Variants in GABRB2 observed in about 807,000 individuals in gnomAD.
GABRB2 encodes the protein gamma-aminobutyric acid type A receptor subunit beta2, also known as gamma-aminobutyric acid receptor subunit beta-2.
In GABRB2, 16 loss-of-function variants were observed where a neutral mutation model predicts 54.7. The observed-to-expected ratio is 0.29, with a 90% CI of 0.20 to 0.44. The LOEUF is 0.44. Ranked by LOEUF, GABRB2 falls within the 20% of genes least tolerant of loss-of-function variation. The pLI is 1.00. For missense variants in GABRB2, 355 were observed against 644.0 expected (o/e 0.55, Z 4.86); for synonymous variants, 244 against 233.8 (o/e 1.04, Z -0.40).
chr5:161,411,282 T>C (rs1304914989), intron 4 of GABRB2, among the ~76,000 whole-genome samples: 5 of 152,218 alleles, frequency 3.3e-5, no homozygotes, highest in Non-Finnish European at 7.3e-5. Flanking sequence ...TATCTACTTG[T>C]ATCAAAATAA....
chr5:161,411,153 C>A, intron 4 of GABRB2, 96 bp from the exon 5 acceptor site: 1 of 872,958 alleles, frequency 1.1e-6, no homozygotes. Context: ...TGTGATTTAC[C>A]CTAAGTACTA....
intron 4 of GABRB2, among the ~76,000 whole-genome samples, chr5:161,430,734 T>C (rs978077630): frequency 2.0e-5 from 3 of 152,086 alleles, no homozygotes; most frequent in African/African-American, 7.2e-5. Context: ...CTGATGTGAG[T>C]ACTTATGTTC....
rs113762819 is a variant in GABRB2, at chr5:161,536,329, C to T, written c.237+8898G>A. The stretch of plus-strand genomic sequence containing the variant: ...AAAGAGGAAGGAGAAAACAACAGTT[C>T]GCCAAAATTGTGCCCAAAATTGTGT... On this transcript the variant is annotated intron_variant, in intron 3 of 9. Transcript: ENST00000393959. Among the ~76,000 whole-genome samples, 930 of 152,098 alleles carry T rather than the reference C, an allele frequency of 6.1e-3. 7 individuals carry two copies. Among genetic ancestry groups the T allele is most frequent in the African/African-American group, 0.021 (867 of 41,494 alleles).
At chr5:161,414,047 C>T (rs1580965429) in intron 4 of GABRB2, among the ~76,000 whole-genome samples, 1 of 152,282 alleles carries the variant, frequency 6.6e-6, no homozygotes, top group African/African-American at 2.4e-5. Flanking sequence ...AAACACATTC[C>T]TATTTAGTCC....
intron 4 of GABRB2, among the ~76,000 whole-genome samples, chr5:161,444,744 C>T (rs1036113020): frequency 1.1e-4 from 16 of 152,198 alleles, no homozygotes; most frequent in African/African-American, 2.6e-4. Flanking sequence ...AAATGCCACA[C>T]GTTTTCTACT....
At chr5:161,441,919 C>G (rs1757476060) in intron 4 of GABRB2, among the ~76,000 whole-genome samples, 1 of 152,008 alleles carries the variant, frequency 6.6e-6, no homozygotes, top group South Asian at 2.1e-4. Context: ...AACTCATAGA[C>G]ATAGAGTGAA....
chr5:161,515,789 A>AT (rs962485431), intron 3 of GABRB2, among the ~76,000 whole-genome samples: 1 of 152,210 alleles, frequency 6.6e-6, no homozygotes, highest in African/African-American at 2.4e-5. Context: ...GCTTCATTTG[A>AT]TAAGTAAGAA....
chr5:161,459,644 G>C lies in GABRB2; in HGVS notation c.438C>G (p.Gly146=), dbSNP rs2964779. The C allele has an allele frequency of 1.1e-3, 1,850 of 1,614,006 alleles. 20 individuals carry two copies. In the African/African-American group the frequency reaches 0.018, roughly 15 times the overall value. The change falls in exon 4 of 10, where the codon GGC becomes GGG. Residue 146 remains glycine, a synonymous_variant. Transcript: ENST00000393959. ...KNRMIRLHPD[G]TVLYGLRITT... ...CAGACCTGAGTCCATAAAGGACGGT[G>C]CCATCAGGATGCAGGCGAATCATGC... is the stretch of plus-strand genomic sequence containing the variant.
At chr5:161,484,454 G>A (rs1413350338) in intron 3 of GABRB2, among the ~76,000 whole-genome samples, 1 of 151,942 alleles carries the variant, frequency 6.6e-6, no homozygotes, top group Non-Finnish European at 1.5e-5. Flanking sequence ...AAGTACAAAA[G>A]TGGAGCAAAG....
chr5:161,316,857 C>G (rs1042796340), intron 9 of GABRB2, among the ~76,000 whole-genome samples: 2 of 152,298 alleles, frequency 1.3e-5, no homozygotes, highest in Admixed American at 1.3e-4. Context: ...GGTGATCCAC[C>G]TGCCTCGGGC....
chr5:161,403,188 G>A (rs1756253507), intron 5 of GABRB2, among the ~76,000 whole-genome samples: 1 of 152,132 alleles, frequency 6.6e-6, no homozygotes, highest in Non-Finnish European at 1.5e-5. Flanking sequence ...TTGGACTGAA[G>A]AGAATCAGGA....
At chr5:161,460,456 G>A (rs945684238) in intron 3 of GABRB2, among the ~76,000 whole-genome samples, 1 of 152,170 alleles carries the variant, frequency 6.6e-6, no homozygotes, top group African/African-American at 2.4e-5. Flanking sequence ...TGAAATTTAT[G>A]AAATATTTCC....
intron 4 of GABRB2, among the ~76,000 whole-genome samples, chr5:161,450,860 A>AT (rs965742009): frequency 6.6e-6 from 1 of 152,002 alleles, no homozygotes; most frequent in South Asian, 2.1e-4. Flanking sequence ...TATCGTATGC[A>AT]TTTTTTTCAC....
At chr5:161,494,592 T>C (rs1445512378) in intron 3 of GABRB2, among the ~76,000 whole-genome samples, 2 of 149,524 alleles carry the variant, frequency 1.3e-5, no homozygotes, top group African/African-American at 4.9e-5. Context: ...TACTGACAAC[T>C]GAAAACATTT....
In GABRB2 at chr5:161,443,208, G is replaced by A. The variant is rs183615975; in HGVS notation, c.458+16416C>T. On this transcript the variant is annotated intron_variant, in intron 4 of 9. Coordinates refer to ENST00000393959, the MANE Select transcript of GABRB2 (RefSeq NM_001371727.1). ...TAGTTATATGTATATTTTACACTCT[G>A]TTCTATCCATGCCTACAGAAACTGA... Among the ~76,000 whole-genome samples, 400 of 152,234 alleles carry A rather than the reference G, an allele frequency of 2.6e-3. 2 individuals carry two copies. The highest frequency in any genetic ancestry group is 9.3e-3 in the African/African-American group (387 of 41,548).
intron 3 of GABRB2, among the ~76,000 whole-genome samples, chr5:161,460,090 A>T (rs1172281589): frequency 6.6e-6 from 1 of 152,138 alleles, no homozygotes; most frequent in Non-Finnish European, 1.5e-5. Flanking sequence ...GATTACAGGC[A>T]TGTGCCATCG....
intron 3 of GABRB2, among the ~76,000 whole-genome samples, chr5:161,525,689 T>C (rs1760256461): frequency 1.3e-5 from 2 of 151,280 alleles, no homozygotes; most frequent in African/African-American, 2.4e-5. Context: ...TTTGCCTAGA[T>C]TGAATTATAA....
intron 4 of GABRB2, among the ~76,000 whole-genome samples, chr5:161,433,281 GT>G (rs965224382): frequency 3.9e-5 from 6 of 152,018 alleles, no homozygotes; most frequent in African/African-American, 1.2e-4. Flanking sequence ...TTTGGCAGTA[GT>G]TTTTTTGACC....
At chr5:161,367,346 A>G (rs1348259655) in intron 5 of GABRB2, among the ~76,000 whole-genome samples, 1 of 152,226 alleles carries the variant, frequency 6.6e-6, no homozygotes, top group Non-Finnish European at 1.5e-5. Context: ...GATAATTCAC[A>G]TGAAAATGCT....
Sources: allele counts gnomAD v4.1 joint callset (sites outside exome capture counted in the v4.1 genomes callset), GRCh38; gene constraint gnomAD v4.1.1; transcripts MANE v1.5; gene names NCBI Gene and HGNC (gene_info 2026-07-23, HGNC 2026-07-21).